EXPH5: variants seen among roughly 807,000 people sequenced by gnomAD.
EXPH5 encodes exophilin 5, also known as exophilin-5.
EXPH5 carries 42 observed loss-of-function variants against 41.1 expected under a neutral mutation model. The ratio of observed to expected loss-of-function variants is 1.02; its 90% CI spans 0.80 to 1.32. EXPH5 has a LOEUF of 1.32. Ranked by LOEUF, EXPH5 falls within the 40% of genes most tolerant of loss-of-function variation. The pLI is 0.00. For synonymous variants in EXPH5, 798 were observed against 833.5 expected, an observed-to-expected ratio of 0.96 and a Z score of 0.73; for missense variants, 2,298 against 2,314.5, an observed-to-expected ratio of 0.99 and a Z score of 0.15.
At position 108,571,857 on chromosome 11, in the gene EXPH5, G is replaced by A. The variant is rs185728359; in HGVS notation, c.119+21561C>T. Reference sequence around the variant, plus strand: ...GGGCGGATCATGAGGTCAGGAGATCGAGACCACAGTGAAACCCTGTTTCTA... The same window carrying A: ...GGGCGGATCATGAGGTCAGGAGATCAAGACCACAGTGAAACCCTGTTTCTA... On this transcript the variant is annotated intron_variant, in intron 1 of 5. Transcript: ENST00000265843. Among the ~76,000 whole-genome samples the A allele has an allele frequency of 7.2e-5, 11 of 152,152 alleles. No individual in the cohort carries two copies. In the East Asian group the frequency reaches 1.5e-3, roughly 21 times the overall value.
At chr11:108,593,807 G>A, upstream of EXPH5, 1 of 1,488,182 alleles carries the variant, frequency 6.7e-7, no homozygotes, top group Non-Finnish European at 9.1e-7. Context: ...CCCGTTCCAA[G>A]GGGGCGGGCC....
intron 1 of EXPH5, among the ~76,000 whole-genome samples, chr11:108,575,918 C>A (rs1163539615): frequency 6.6e-6 from 1 of 152,164 alleles, no homozygotes; most frequent in Non-Finnish European, 1.5e-5. Flanking sequence ...GCCGAGATCA[C>A]ACCACTGCAC....
At chr11:108,547,552 G>A (rs1280931145) in intron 1 of EXPH5, among the ~76,000 whole-genome samples, 1 of 152,056 alleles carries the variant, frequency 6.6e-6, no homozygotes, top group Admixed American at 6.6e-5. Flanking sequence ...CAAAATAACT[G>A]TACCAATATC....
At chr11:108,554,622 GGTAGTAA>G (rs2093982389) in intron 1 of EXPH5, among the ~76,000 whole-genome samples, 1 of 152,012 alleles carries the variant, frequency 6.6e-6, no homozygotes. Context: ...AGAGATCTAT[GGTAGTAA>G]AGAGAATCAT....
chr11:108,581,705 C>G (rs1025149553), intron 1 of EXPH5, among the ~76,000 whole-genome samples: 7 of 151,796 alleles, frequency 4.6e-5, no homozygotes, highest in Non-Finnish European at 8.8e-5. Context: ...CAAAGTAAGA[C>G]AAAAAGCAGG....
At chr11:108,563,501 C>T (rs1357761560) in intron 1 of EXPH5, among the ~76,000 whole-genome samples, 2 of 152,114 alleles carry the variant, frequency 1.3e-5, no homozygotes, top group African/African-American at 4.8e-5. Flanking sequence ...CAGGGGAGAG[C>T]ACATTATCTG....
chr11:108,522,465 T>C (rs2093771340), intron 4 of EXPH5, among the ~76,000 whole-genome samples: 1 of 152,124 alleles, frequency 6.6e-6, no homozygotes, highest in South Asian at 2.1e-4. Flanking sequence ...TTTCAAGAGG[T>C]CAGGTCATTT....
chr11:108,565,639 C>A, intron 1 of EXPH5, among the ~76,000 whole-genome samples: 1 of 152,188 alleles, frequency 6.6e-6, no homozygotes, highest in African/African-American at 2.4e-5. Flanking sequence ...TCCGAGCTTA[C>A]GTGAGGGTGC....
At position 108,509,468 on chromosome 11, in the gene EXPH5, T is replaced by G; in HGVS notation, c.*69A>C. The G allele has an allele frequency of 2.1e-6, 3 of 1,408,058 alleles. No homozygotes were observed. The Middle Eastern group carries it at 5.6e-4, about 261-fold the overall frequency. 87.2% of individuals were successfully genotyped at this position (1,408,058 alleles called of 1,614,324 possible). A position where few individuals can be genotyped will look rare whatever the true frequency, so the allele number is the denominator to read the frequency against. ...TAGATCTTTTATCCTTCCATGCACA[T>G]GCACATGTACACCTTAGTTCCATTA... On this transcript the variant is annotated 3_prime_UTR_variant, in exon 6 of 6. Coordinates refer to ENST00000265843, the MANE Select transcript of EXPH5 (RefSeq NM_015065.3).
chr11:108,512,938 G>A lies in EXPH5; in HGVS notation c.2569C>T (p.Gln857Ter). 6.2e-7 allele frequency: 1 copy of A among 1,613,098 alleles called. No homozygotes were observed. Among genetic ancestry groups the A allele is most frequent in the South Asian group, 1.1e-5 (1 of 90,784 alleles). ...NHWSSALTDT[Q>*]NAQYSKCKLT... ...TTGCATTTTGAGTATTGTGCATTTT[G>A]AGTATCAGTCAGTGCAGAGCTCCAG... Residue 857 changes from glutamine to a stop codon, truncating the protein, a stop_gained, in exon 6 of 6, where the codon CAA becomes TAA. Transcript: ENST00000265843. LOFTEE classifies it low-confidence loss of function (END_TRUNC).
At position 108,511,104 on chromosome 11, in the gene EXPH5, G is replaced by C. The variant is rs750351501; in HGVS notation, c.4403C>G (p.Thr1468Arg). 3.1e-6 allele frequency: 5 copies of C among 1,613,950 alleles called. No homozygotes were observed. ...GSGKCPQKDH[T>R]STAVGDGSSG... ...GGAGCCATCACCTACAGCTGTGGAT[G>C]TGTGATCTTTCTGGGGACACTTGCC... Residue 1468 changes from threonine to arginine, a missense_variant, in exon 6 of 6, where the codon ACA becomes AGA. Transcript: ENST00000265843.
At chr11:108,575,897 G>T (rs1036914126) in intron 1 of EXPH5, among the ~76,000 whole-genome samples, 3 of 151,530 alleles carry the variant, frequency 2.0e-5, no homozygotes, top group Non-Finnish European at 2.9e-5. Context: ...TCCAGGCAGA[G>T]GTTGTAGTGA....
intron 1 of EXPH5, among the ~76,000 whole-genome samples, chr11:108,574,030 T>C (rs1591753970): frequency 1.3e-5 from 2 of 151,480 alleles, no homozygotes; most frequent in South Asian, 4.2e-4. Flanking sequence ...GCCTCTGGAG[T>C]AGCTGAGACT....
At position 108,514,509 on chromosome 11, in the gene EXPH5, G is replaced by T; in HGVS notation, c.998C>A (p.Ala333Asp). Residue 333 changes from alanine to aspartate, a missense_variant, in exon 6 of 6, where the codon GCC becomes GAC. By Grantham distance (126) the Ala-to-Asp change is moderately radical. Transcript: ENST00000265843. ...FDSRQRSALP[A>D]TGHFTARSLH... ...GCTTCTTGCTGTGAAATGCCCTGTG[G>T]CTGGTAAGGCCGACCGTTGCCTGCT... 1 of 1,612,826 alleles carries T rather than the reference G, an allele frequency of 6.2e-7. No individual in the cohort carries two copies. Among genetic ancestry groups the T allele is most frequent in the Non-Finnish European group, 8.5e-7 (1 of 1,179,430 alleles).
At chr11:108,540,313 A>C (rs2093905891) in intron 2 of EXPH5, among the ~76,000 whole-genome samples, 1 of 152,072 alleles carries the variant, frequency 6.6e-6, no homozygotes, top group Non-Finnish European at 1.5e-5. Context: ...ACAGAGTGAG[A>C]CTCCATCTCA....
chr11:108,592,939 T>C (rs1302113271), intron 1 of EXPH5, among the ~76,000 whole-genome samples: 2 of 152,224 alleles, frequency 1.3e-5, no homozygotes, highest in African/African-American at 2.4e-5. Flanking sequence ...GAGATTCGCC[T>C]CTGGTGCCGA....
chr11:108,518,435 C>T (rs779582750), intron 4 of EXPH5, 62 bp from the exon 5 acceptor site: 37 of 1,490,082 alleles, frequency 2.5e-5, no homozygotes, highest in Middle Eastern at 1.7e-4. Context: ...AATACTCACA[C>T]GCTCCCACCA....
At chr11:108,584,213 C>A (rs2094106926) in intron 1 of EXPH5, among the ~76,000 whole-genome samples, 1 of 152,116 alleles carries the variant, frequency 6.6e-6, no homozygotes, top group Non-Finnish European at 1.5e-5. Flanking sequence ...CAGTGGCTCA[C>A]ACTTATAATC....
rs143161557 is a variant in EXPH5 at position 108,513,666 on chromosome 11, G to A, written c.1841C>T (p.Ala614Val). ...SPVEVHINKE[A>V]SSFGIAQTLA... ...AGTCTGAGCAATTCCAAATGAGGAA[G>A]CTTCTTTGTTTATATGTACTTCTAC... is the stretch of plus-strand genomic sequence containing the variant. Residue 614 changes from alanine (A) to valine (V), a missense_variant, in exon 6 of 6, where the codon GCT (alanine) becomes GTT (valine). Coordinates refer to ENST00000265843, the MANE Select transcript of EXPH5 (RefSeq NM_015065.3). 6.2e-7 allele frequency: 1 copy of A among 1,611,382 alleles called. No homozygotes were observed. The highest frequency in any genetic ancestry group is 8.5e-7 in the Non-Finnish European group (1 of 1,179,146).
Sources: allele counts gnomAD v4.1 joint callset (sites outside exome capture counted in the v4.1 genomes callset), GRCh38; gene constraint gnomAD v4.1.1; transcripts MANE v1.5; gene names NCBI Gene and HGNC (gene_info 2026-07-23, HGNC 2026-07-21).